SPAG16: variants seen among roughly 807,000 people sequenced by gnomAD.
The protein encoded by SPAG16 is sperm associated antigen 16.
A neutral mutation model predicts 80.4 loss-of-function variants in SPAG16; 86 were observed. That is an observed-to-expected ratio of 1.07 (90% CI 0.90 to 1.28). The LOEUF is 1.28. SPAG16 is among the 50% of genes most tolerant of loss of function. The probability of loss-of-function intolerance (pLI) is 0.00; values close to 1 mark genes in which losing one functional copy is unlikely to be tolerated. For synonymous variants in SPAG16, 294 were observed against 265.9 expected (o/e 1.11, Z -1.03); for missense variants, 870 against 765.3 (o/e 1.14, Z -1.61).
chr2:213,300,125 A>T (rs182162158), intron 3 of SPAG16, among the ~76,000 whole-genome samples: 160 of 152,266 alleles, frequency 1.1e-3, no homozygotes, highest in Non-Finnish European at 2.0e-3. Flanking sequence ...TAATTACGTA[A>T]TGACTTCTAA....
intron 15 of SPAG16, among the ~76,000 whole-genome samples, chr2:214,399,627 T>C (rs1385604814): frequency 6.6e-6 from 1 of 152,092 alleles, no homozygotes; most frequent in African/African-American, 2.4e-5. Flanking sequence ...TAGTTATGGT[T>C]TCAGTAGTAA....
At chr2:214,269,939 A>G (rs1691872489) in intron 15 of SPAG16, among the ~76,000 whole-genome samples, 1 of 145,056 alleles carries the variant, frequency 6.9e-6, no homozygotes, top group African/African-American at 2.4e-5. Flanking sequence ...TTCCTGATCG[A>G]GATCTTATAA....
At chr2:213,488,758 A>C (rs1294610491) in intron 9 of SPAG16, among the ~76,000 whole-genome samples, 1 of 152,138 alleles carries the variant, frequency 6.6e-6, no homozygotes, top group Non-Finnish European at 1.5e-5. Flanking sequence ...TTCTATACGA[A>C]TATGTACTAC....
intron 11 of SPAG16, among the ~76,000 whole-genome samples, chr2:213,914,521 A>G (rs1317570089): frequency 6.6e-6 from 1 of 152,142 alleles, no homozygotes; most frequent in Non-Finnish European, 1.5e-5. Flanking sequence ...CTCAAAATAT[A>G]TGCACAGCAC....
intron 15 of SPAG16, among the ~76,000 whole-genome samples, chr2:214,397,336 T>G (rs2126138186): frequency 6.6e-6 from 1 of 152,126 alleles, no homozygotes; most frequent in Middle Eastern, 3.4e-3. Context: ...ATTTTTGTAT[T>G]TTTAGTAGAG....
chr2:214,075,154 AT>A (rs1576079623), intron 13 of SPAG16, among the ~76,000 whole-genome samples: 2 of 150,794 alleles, frequency 1.3e-5, no homozygotes, highest in East Asian at 1.9e-4. Context: ...TTTTTCAGGT[AT>A]TTTCTCCCAC....
At chr2:214,310,987 C>CA (rs558092667) in intron 15 of SPAG16, among the ~76,000 whole-genome samples, 2 of 152,096 alleles carry the variant, frequency 1.3e-5, no homozygotes, top group Non-Finnish European at 2.9e-5. Flanking sequence ...ACAGCTATCC[C>CA]AAAAAATGCT....
At chr2:213,877,143 C>T (rs992446252) in intron 11 of SPAG16, among the ~76,000 whole-genome samples, 2 of 152,100 alleles carry the variant, frequency 1.3e-5, no homozygotes, top group Non-Finnish European at 2.9e-5. Context: ...TTAGAATATA[C>T]CCCAAACTCT....
chr2:213,924,628 CTT>C (rs1372809112), intron 11 of SPAG16, among the ~76,000 whole-genome samples: 2 of 152,070 alleles, frequency 1.3e-5, no homozygotes. Flanking sequence ...GCCTAGGTAA[CTT>C]TTTTTGGTAC....
chr2:213,367,570 C>T (rs1409181675), intron 8 of SPAG16, among the ~76,000 whole-genome samples: 19 of 152,256 alleles, frequency 1.2e-4, no homozygotes, highest in African/African-American at 3.9e-4. Flanking sequence ...TGTCTGTTGG[C>T]TGCATAAATG....
chr2:213,881,423 T>C (rs2076340661), intron 11 of SPAG16, among the ~76,000 whole-genome samples: 1 of 152,234 alleles, frequency 6.6e-6, no homozygotes, highest in Admixed American at 6.5e-5. Flanking sequence ...GAGAGATACT[T>C]TGACTTCTTC....
chr2:213,632,154 G>C (rs1034241250), intron 10 of SPAG16, among the ~76,000 whole-genome samples: 2 of 151,814 alleles, frequency 1.3e-5, no homozygotes, highest in Admixed American at 1.3e-4. Context: ...TTTTCAATTT[G>C]TTTCATCAGT....
intron 10 of SPAG16, among the ~76,000 whole-genome samples, chr2:213,715,739 A>G (rs1013545551): frequency 6.6e-6 from 1 of 152,162 alleles, no homozygotes; most frequent in African/African-American, 2.4e-5. Context: ...TAATTTCTGC[A>G]TGTCACAAAG....
chr2:213,900,068 A>G (rs982579351), intron 11 of SPAG16, among the ~76,000 whole-genome samples: 3 of 152,150 alleles, frequency 2.0e-5, no homozygotes, highest in African/African-American at 7.2e-5. Flanking sequence ...CCTAGAATGC[A>G]TCAACAAATC....
At chr2:213,574,661 TATATG>T (rs1206477962) in intron 10 of SPAG16, among the ~76,000 whole-genome samples, 3 of 147,262 alleles carry the variant, frequency 2.0e-5, no homozygotes, top group African/African-American at 2.5e-5. Context: ...ATATATATGA[TATATG>T]ATATATATAT....
intron 10 of SPAG16, among the ~76,000 whole-genome samples, chr2:213,647,091 G>C (rs1341795875): frequency 6.6e-6 from 1 of 152,196 alleles, no homozygotes; most frequent in Non-Finnish European, 1.5e-5. Context: ...CAGAAGGGTT[G>C]TTCTCTTGGG....
At chr2:213,830,972 C>G (rs2073605662) in intron 10 of SPAG16, among the ~76,000 whole-genome samples, 3 of 150,236 alleles carry the variant, frequency 2.0e-5, no homozygotes, top group Admixed American at 2.0e-4. Flanking sequence ...ATAACTCTTT[C>G]TCAAAATTCC....
intron 15 of SPAG16, among the ~76,000 whole-genome samples, chr2:214,258,539 G>A (rs750787343): frequency 1.3e-4 from 20 of 149,488 alleles, no homozygotes; most frequent in Non-Finnish European, 2.7e-4. Flanking sequence ...CCATTCATTT[G>A]TTGGTTGATG....
chr2:213,312,422 C>T (rs2063229437), intron 4 of SPAG16, among the ~76,000 whole-genome samples: 1 of 151,656 alleles, frequency 6.6e-6, no homozygotes. Context: ...GAGCATATGT[C>T]ATCCATCTGT....
Sources: allele counts gnomAD v4.1 joint callset (sites outside exome capture counted in the v4.1 genomes callset), GRCh38; gene constraint gnomAD v4.1.1; transcripts MANE v1.5; gene names NCBI Gene and HGNC (gene_info 2026-07-23, HGNC 2026-07-21).